PTGES3: variants seen among roughly 807,000 people sequenced by gnomAD.
The protein encoded by PTGES3 is Hsp90 co-chaperone.
PTGES3 carries 5 observed loss-of-function variants against 29.9 expected under a neutral mutation model. The ratio of observed to expected loss-of-function variants is 0.17; its 90% CI spans 0.09 to 0.35. The LOEUF (loss-of-function observed/expected upper bound fraction) is 0.35. Ranked by LOEUF, PTGES3 falls within the 10% of genes least tolerant of loss-of-function variation. PTGES3 has a pLI of 1.00. For missense variants in PTGES3, 128 were observed against 190.0 expected (o/e 0.67, Z 1.92); for synonymous variants, 49 against 57.8 (o/e 0.85, Z 0.69).
rs1052884523 is a variant in PTGES3, at chr12:56,688,114, C to A, written c.-115G>T. 3 of 1,423,952 alleles carry A rather than the reference C, an allele frequency of 2.1e-6. No individual in the cohort carries two copies. Among genetic ancestry groups the A allele is most frequent in the Non-Finnish European group, 2.8e-6 (3 of 1,090,834 alleles). The allele number at this position is 1,423,952 out of a possible 1,614,324, so 88.2% of individuals were successfully genotyped here. A position where few individuals can be genotyped will look rare whatever the true frequency, so the allele number is the denominator to read the frequency against. On this transcript the variant is annotated 5_prime_UTR_variant, in exon 1 of 8. Coordinates refer to ENST00000262033, the MANE Select transcript of PTGES3 (RefSeq NM_006601.7). ...CTCCGCTTTTTCTCTCCGGTCGCGGCCTCTTCTCGCTTCCCTCAGGCGACG... is the reference window on the plus strand; with the variant it reads ...CTCCGCTTTTTCTCTCCGGTCGCGGACTCTTCTCGCTTCCCTCAGGCGACG...
chr12:56,672,431 T>G (rs1592252226), intron 3 of PTGES3, among the ~76,000 whole-genome samples: 1 of 152,060 alleles, frequency 6.6e-6, no homozygotes, highest in Non-Finnish European at 1.5e-5. Flanking sequence ...GAGGCAGAGG[T>G]TGCAGTGAGC....
intron 5 of PTGES3, 109 bp from the exon 6 acceptor site, chr12:56,666,375 T>A: frequency 7.0e-6 from 9 of 1,292,852 alleles, no homozygotes; most frequent in Non-Finnish European, 9.2e-6. Flanking sequence ...TATCAAAAAA[T>A]GCAAAATGCA....
At chr12:56,666,744 G>A (rs561602519) in intron 5 of PTGES3, among the ~76,000 whole-genome samples, 7 of 151,848 alleles carry the variant, frequency 4.6e-5, no homozygotes, top group African/African-American at 1.5e-4. Context: ...CTCATGCCTC[G>A]GCCTCCAGGG....
intron 1 of PTGES3, among the ~76,000 whole-genome samples, chr12:56,681,118 T>C (rs1952516699): frequency 6.6e-6 from 1 of 152,178 alleles, no homozygotes; most frequent in East Asian, 1.9e-4. Context: ...ACAGAGTTTT[T>C]GCTCTTGTTG....
chr12:56,664,413 C>T lies in PTGES3; in HGVS notation c.*66G>A. On this transcript the variant is annotated 3_prime_UTR_variant, in exon 8 of 8. Coordinates refer to ENST00000262033, the MANE Select transcript of PTGES3 (RefSeq NM_006601.7). ...TTAGAGCTATCAACTCAGGAATTCT[C>T]TCAATTATGAAATCTTGCAGAGAAG... is the stretch of plus-strand genomic sequence containing the variant. 1.3e-6 allele frequency: 2 copies of T among 1,516,326 alleles called. No homozygotes were observed. Among genetic ancestry groups the T allele is most frequent in the Non-Finnish European group, 1.8e-6 (2 of 1,112,014 alleles). 93.9% of individuals were successfully genotyped at this position (1,516,326 alleles called of 1,614,324 possible). A position where few individuals can be genotyped will look rare whatever the true frequency, so the allele number is the denominator to read the frequency against.
chr12:56,676,544 A>C (rs1280563242), intron 1 of PTGES3, among the ~76,000 whole-genome samples: 1 of 152,160 alleles, frequency 6.6e-6, no homozygotes, highest in Non-Finnish European at 1.5e-5. Context: ...TTAAAAGAAG[A>C]ATGCTTCAGG....
At chr12:56,665,159 T>C in intron 6 of PTGES3, 32 of 985,296 alleles carry the variant, frequency 3.2e-5, no homozygotes, top group Non-Finnish European at 3.9e-5. Context: ...GTTGAGTGAA[T>C]ATTAAGTGTT....
At chr12:56,667,273 C>G (rs1183044058) in intron 5 of PTGES3, among the ~76,000 whole-genome samples, 2 of 152,166 alleles carry the variant, frequency 1.3e-5, no homozygotes, top group Non-Finnish European at 2.9e-5. Context: ...ATGATTTAAA[C>G]TTAAACTATT....
At chr12:56,670,412 T>A in intron 4 of PTGES3, 48 bp from the exon 5 acceptor site, 1 of 1,369,148 alleles carries the variant, frequency 7.3e-7, no homozygotes, top group Non-Finnish European at 1.0e-6. Flanking sequence ...AATTTGCATT[T>A]GGCATGAACC....
At chr12:56,679,906 C>G (rs1226607328) in intron 1 of PTGES3, among the ~76,000 whole-genome samples, 1 of 151,968 alleles carries the variant, frequency 6.6e-6, no homozygotes. Flanking sequence ...AACTCCTGAC[C>G]TCAAGTGATC....
At chr12:56,668,032 C>G (rs1261338742) in intron 5 of PTGES3, among the ~76,000 whole-genome samples, 1 of 152,178 alleles carries the variant, frequency 6.6e-6, no homozygotes, top group Non-Finnish European at 1.5e-5. Flanking sequence ...TGCTTGAACC[C>G]AGGAGGTGGA....
At chr12:56,665,287 T>G in intron 6 of PTGES3, 3 of 505,182 alleles carry the variant, frequency 5.9e-6, no homozygotes, top group Non-Finnish European at 7.6e-6. Flanking sequence ...TGTCCATCTT[T>G]TTTTTTTTTT....
In PTGES3 at chr12:56,682,721, GAAAAAA is replaced by G. The variant is rs754040277; in HGVS notation, c.2+5271_2+5276del. ...GGTAAGATCCCGTCTCCATTTAAAA[GAAAAAA>G]AAAAAAAAAGGCCGGGCGTGGTGGC... On this transcript the variant is annotated intron_variant, in intron 1 of 7. Transcript: ENST00000262033. Among the ~76,000 whole-genome samples the G allele has an allele frequency of 2.2e-4, 25 of 114,292 alleles. 1 individual carries two copies. The highest frequency in any genetic ancestry group is 3.6e-4 in the Non-Finnish European group (21 of 58,420). The allele number at this position is 114,292 out of a possible 152,430, so 75.0% of individuals were successfully genotyped here.
chr12:56,665,256 C>T, intron 6 of PTGES3: 1 of 902,082 alleles, frequency 1.1e-6, no homozygotes, highest in Non-Finnish European at 1.3e-6. Context: ...TTTAGTGTAT[C>T]TTCCTCTTAC....
intron 1 of PTGES3, among the ~76,000 whole-genome samples, chr12:56,677,292 T>G (rs1258207403): frequency 4.0e-5 from 6 of 151,832 alleles, no homozygotes; most frequent in South Asian, 2.1e-4. Context: ...AAACATTACC[T>G]TGAACAGCTT....
At chr12:56,674,419 C>T (rs1432788745) in intron 1 of PTGES3, among the ~76,000 whole-genome samples, 1 of 152,062 alleles carries the variant, frequency 6.6e-6, no homozygotes, top group African/African-American at 2.4e-5. Context: ...AGGCCAGGCG[C>T]GGTGGCTCAC....
At chr12:56,671,110 AAAG>A (rs143499996) in intron 4 of PTGES3, among the ~76,000 whole-genome samples, 10,339 of 152,158 alleles carry the variant, frequency 0.068, 399 homozygotes, top group African/African-American at 0.091. Context: ...ACCTAAAAAA[AAAG>A]ACTAGGCTGG....
At chr12:56,678,875 A>G (rs1952391222) in intron 1 of PTGES3, among the ~76,000 whole-genome samples, 1 of 152,132 alleles carries the variant, frequency 6.6e-6, no homozygotes, top group African/African-American at 2.4e-5. Context: ...CTAGCACTTT[A>G]GGAGGCCAAG....
intron 5 of PTGES3, among the ~76,000 whole-genome samples, chr12:56,668,431 A>C (rs555580126): frequency 6.6e-6 from 1 of 152,306 alleles, no homozygotes; most frequent in Admixed American, 6.5e-5. Flanking sequence ...TAAAACAAAA[A>C]ACAAAAAACA....
Sources: allele counts gnomAD v4.1 joint callset (sites outside exome capture counted in the v4.1 genomes callset), GRCh38; gene constraint gnomAD v4.1.1; transcripts MANE v1.5; gene names NCBI Gene and HGNC (gene_info 2026-07-23, HGNC 2026-07-21).